Variants in PPP1R9A observed in about 807,000 individuals in gnomAD.
PPP1R9A encodes protein phosphatase 1 regulatory subunit 9A, also known as neurabin-1.
PPP1R9A carries 59 observed loss-of-function variants against 141.9 expected under a neutral mutation model. The observed-to-expected ratio is 0.42, with a 90% CI of 0.34 to 0.52. PPP1R9A has a LOEUF of 0.52. Among genes scored for constraint, PPP1R9A ranks in the 20% least tolerant of loss-of-function variants. The probability of loss-of-function intolerance (pLI) is 0.10; values close to 1 mark genes in which losing one functional copy is unlikely to be tolerated. For missense variants in PPP1R9A, 1,444 were observed against 1,611.9 expected (o/e 0.90, Z 1.78); for synonymous variants, 500 against 569.7 (o/e 0.88, Z 1.74).
intron 2 of PPP1R9A, among the ~76,000 whole-genome samples, chr7:95,002,057 G>A (rs997935971): frequency 1.3e-5 from 2 of 152,142 alleles, no homozygotes; most frequent in Non-Finnish European, 2.9e-5. Flanking sequence ...GTCATCTATG[G>A]TAAACACTAA....
intron 2 of PPP1R9A, among the ~76,000 whole-genome samples, chr7:95,053,049 T>C (rs1811029160): frequency 6.6e-6 from 1 of 152,214 alleles, no homozygotes; most frequent in African/African-American, 2.4e-5. Flanking sequence ...TCCTGTGTGA[T>C]AAAGCATGCT....
At chr7:95,227,671 T>A (rs1466018490) in intron 8 of PPP1R9A, among the ~76,000 whole-genome samples, 1 of 152,172 alleles carries the variant, frequency 6.6e-6, no homozygotes, top group Non-Finnish European at 1.5e-5. Context: ...ATTATTTGCT[T>A]TCTGGCCCTT....
intron 7 of PPP1R9A, among the ~76,000 whole-genome samples, chr7:95,222,011 A>G (rs1298302435): frequency 6.6e-6 from 1 of 152,050 alleles, no homozygotes; most frequent in Non-Finnish European, 1.5e-5. Flanking sequence ...TCCTCTCTGT[A>G]TTGCAATTAA....
intron 1 of PPP1R9A, chr7:94,907,923 C>T (rs1421488561): frequency 6.8e-6 from 1 of 147,590 alleles, no homozygotes; most frequent in Non-Finnish European, 1.5e-5. Context: ...CCCGGGGCCG[C>T]CCGCCGCGGG....
At chr7:95,231,591 G>A (rs1320402828) in intron 8 of PPP1R9A, among the ~76,000 whole-genome samples, 1 of 151,934 alleles carries the variant, frequency 6.6e-6, no homozygotes, top group African/African-American at 2.4e-5. Context: ...ACTCTGAAAG[G>A]CACCCTCAAA....
At position 95,197,057 on chromosome 7, in the gene PPP1R9A, G is replaced by T. The variant is rs151095082; in HGVS notation, c.1755-1292G>T. Among the ~76,000 whole-genome samples, 419 of 152,034 alleles carry T rather than the reference G, an allele frequency of 2.8e-3. 1 individual carries two copies. Among genetic ancestry groups the T allele is most frequent in the African/African-American group, 8.6e-3 (358 of 41,486 alleles). Reference sequence around the variant, plus strand: ...ACTATATAAAAGTATTTATTAAAAGGCAATTAATTACTAACATCCAAGTGT... The same window carrying T: ...ACTATATAAAAGTATTTATTAAAAGTCAATTAATTACTAACATCCAAGTGT... On this transcript the variant is annotated intron_variant, in intron 5 of 19. Coordinates refer to ENST00000433360, the MANE Select transcript of PPP1R9A (RefSeq NM_001166160.2).
chr7:95,216,054 A>T (rs957400295), intron 7 of PPP1R9A, among the ~76,000 whole-genome samples: 1 of 152,106 alleles, frequency 6.6e-6, no homozygotes, highest in African/African-American at 2.4e-5. Context: ...GCCCATGCCT[A>T]TGTTCTGAAT....
At chr7:95,134,893 T>C (rs1825361274) in intron 4 of PPP1R9A, among the ~76,000 whole-genome samples, 1 of 152,214 alleles carries the variant, frequency 6.6e-6, no homozygotes, top group Admixed American at 6.5e-5. Flanking sequence ...TCTCTAGTCT[T>C]TGTGAGGGTC....
At chr7:95,047,337 C>T (rs7782997) in intron 2 of PPP1R9A, among the ~76,000 whole-genome samples, 3,700 of 152,262 alleles carry the variant, frequency 0.024, 167 homozygotes, top group African/African-American at 0.085. Context: ...TTATAGAGAG[C>T]TGTCAATACA....
At chr7:95,219,501 T>G (rs551761109) in intron 7 of PPP1R9A, among the ~76,000 whole-genome samples, 2 of 152,262 alleles carry the variant, frequency 1.3e-5, no homozygotes, top group Admixed American at 1.3e-4. Flanking sequence ...ATTTCCTGAA[T>G]TTGAATGTTG....
At chr7:95,198,200 C>A in intron 5 of PPP1R9A, 149 bp from the exon 6 acceptor site, 1 of 633,766 alleles carries the variant, frequency 1.6e-6, no homozygotes, top group Non-Finnish European at 2.4e-6. Flanking sequence ...AAGCTTTCTT[C>A]TCACCCAAGA....
chr7:95,213,440 C>T (rs1792583290), intron 7 of PPP1R9A, among the ~76,000 whole-genome samples: 1 of 151,220 alleles, frequency 6.6e-6, no homozygotes, highest in Non-Finnish European at 1.5e-5. Flanking sequence ...CATGCCTCAG[C>T]CTCCCAAGTA....
At chr7:95,206,480 A>G (rs1390633861) in intron 7 of PPP1R9A, among the ~76,000 whole-genome samples, 3 of 152,174 alleles carry the variant, frequency 2.0e-5, no homozygotes, top group Non-Finnish European at 2.9e-5. Flanking sequence ...TTTACATACA[A>G]TAAATGCACT....
intron 2 of PPP1R9A, among the ~76,000 whole-genome samples, chr7:95,085,190 A>G (rs994203132): frequency 1.3e-5 from 2 of 151,940 alleles, no homozygotes; most frequent in Non-Finnish European, 2.9e-5. Flanking sequence ...TTTTCTGTGA[A>G]TGATGTGTTT....
rs1298134127 is a variant in PPP1R9A, at chr7:95,294,575, G to C, written c.*4272G>C. The C allele has an allele frequency of 2.0e-5, 3 of 152,152 alleles. No individual in the cohort carries two copies. Among genetic ancestry groups the C allele is most frequent in the African/African-American group, 7.2e-5 (3 of 41,438 alleles). 9.4% of individuals were successfully genotyped at this position (152,152 alleles called of 1,614,324 possible). A position where few individuals can be genotyped will look rare whatever the true frequency, so the allele number is the denominator to read the frequency against. On this transcript the variant is annotated 3_prime_UTR_variant, in exon 20 of 20. Transcript: ENST00000433360. ...GTGATTCACTCCTGAAAAGCAGCCTGGGTATGTTGGCAGATTTTGTTTGCA... is the reference window on the plus strand; with the variant it reads ...GTGATTCACTCCTGAAAAGCAGCCTCGGTATGTTGGCAGATTTTGTTTGCA...
chr7:95,167,727 A>T (rs1831478690), intron 5 of PPP1R9A, among the ~76,000 whole-genome samples: 1 of 152,310 alleles, frequency 6.6e-6, no homozygotes, highest in East Asian at 1.9e-4. Flanking sequence ...AAATCAGCAT[A>T]CAGAAAATAA....
chr7:95,120,590 T>C (rs1468044645), intron 3 of PPP1R9A, 122 bp from the exon 4 acceptor site: 2 of 1,076,242 alleles, frequency 1.9e-6, no homozygotes, highest in African/African-American at 3.2e-5. Flanking sequence ...AAAGCAAGCA[T>C]GTTATTGTCC....
intron 2 of PPP1R9A, among the ~76,000 whole-genome samples, chr7:94,959,207 A>G (rs1475593419): frequency 6.6e-6 from 1 of 151,896 alleles, no homozygotes; most frequent in Non-Finnish European, 1.5e-5. Context: ...GGATTCTATG[A>G]ATTCAGATTC....
intron 2 of PPP1R9A, among the ~76,000 whole-genome samples, chr7:94,970,018 A>G (rs144551100): frequency 3.2e-4 from 49 of 152,254 alleles, no homozygotes; most frequent in African/African-American, 1.0e-3. Context: ...GGGGTGTCCC[A>G]GGTCGACTTC....
Sources: gnomAD v4.1 joint callset for allele counts (sites outside exome capture counted in the v4.1 genomes callset) on GRCh38, gnomAD v4.1.1 for gene constraint, MANE v1.5 for transcripts, NCBI Gene and HGNC (gene_info 2026-07-23, HGNC 2026-07-21) for gene names.